CADPS: variants seen among roughly 807,000 people sequenced by gnomAD.
CADPS encodes calcium-dependent secretion activator 1.
In CADPS, 57 loss-of-function variants were observed where a neutral mutation model predicts 167.3. That is an observed-to-expected ratio of 0.34 (90% CI 0.28 to 0.42). The LOEUF (loss-of-function observed/expected upper bound fraction) is 0.42. Ranked by LOEUF, CADPS falls within the 20% of genes least tolerant of loss-of-function variation. CADPS has a pLI of 1.00. For missense variants in CADPS, 1,414 were observed against 1,738.1 expected, an observed-to-expected ratio of 0.81 and a Z score of 3.32; for synonymous variants, 676 against 635.3, an observed-to-expected ratio of 1.06 and a Z score of -0.96.
At chr3:62,431,665 A>T (rs1407417746) in intron 28 of CADPS, among the ~76,000 whole-genome samples, 1 of 152,026 alleles carries the variant, frequency 6.6e-6, no homozygotes. Flanking sequence ...CTGGTTCAAA[A>T]TAAATTTAAG....
rs2063485984 is a variant in CADPS, at chr3:62,623,434, TAC to T, written c.1325+22286_1325+22287del. ...CTCCTCCTGATTTAATTAGTACTGA[TAC>T]ACAATCCCTCCATTTCCTCTGATTG... On this transcript the variant is annotated intron_variant, in intron 6 of 29. Transcript: ENST00000383710. 2.0e-5 allele frequency among the ~76,000 whole-genome samples: 3 copies of T among 152,344 alleles called. No homozygotes were observed. The South Asian group carries it at 6.2e-4, about 32-fold the overall frequency.
intron 4 of CADPS, among the ~76,000 whole-genome samples, chr3:62,651,363 AG>A (rs2070097568): frequency 6.6e-6 from 1 of 152,232 alleles, no homozygotes; most frequent in Non-Finnish European, 1.5e-5. Flanking sequence ...AGTTTCCTTC[AG>A]CAAATTTGAT....
At chr3:62,840,149 C>A (rs1176203879) in intron 1 of CADPS, among the ~76,000 whole-genome samples, 3 of 152,168 alleles carry the variant, frequency 2.0e-5, no homozygotes, top group African/African-American at 7.2e-5. Context: ...CATTAGCTTA[C>A]AGTATGGGCC....
At chr3:62,748,830 C>T (rs1177289998) in intron 3 of CADPS, among the ~76,000 whole-genome samples, 1 of 152,142 alleles carries the variant, frequency 6.6e-6, no homozygotes, top group African/African-American at 2.4e-5. Flanking sequence ...ACCTCAGCCT[C>T]CTGAGTAGCT....
At chr3:62,500,557 G>A (rs2065585859) in intron 17 of CADPS, 1 of 152,192 alleles carries the variant, frequency 6.6e-6, no homozygotes, top group African/African-American at 2.4e-5. Context: ...AAACCTTGAA[G>A]TCTCAGAGTC....
chr3:62,527,462 T>G (rs1197590188), intron 13 of CADPS, among the ~76,000 whole-genome samples: 1 of 145,690 alleles, frequency 6.9e-6, no homozygotes, highest in Non-Finnish European at 1.5e-5. Flanking sequence ...GGGTGGGGGG[T>G]GGGGGAGTGG....
chr3:62,851,859 C>T (rs965211269), intron 1 of CADPS, among the ~76,000 whole-genome samples: 2 of 151,750 alleles, frequency 1.3e-5, no homozygotes, highest in African/African-American at 2.4e-5. Context: ...GGATAACATC[C>T]TGCAGAGTGT....
At chr3:62,675,183 G>A (rs1185550140) in intron 3 of CADPS, among the ~76,000 whole-genome samples, 1 of 151,874 alleles carries the variant, frequency 6.6e-6, no homozygotes, top group Non-Finnish European at 1.5e-5. Flanking sequence ...AGTGTGACAG[G>A]GAAAATAGAA....
intron 16 of CADPS, among the ~76,000 whole-genome samples, chr3:62,515,516 T>C (rs950763736): frequency 6.6e-6 from 1 of 152,020 alleles, no homozygotes; most frequent in Non-Finnish European, 1.5e-5. Flanking sequence ...CAAGAATGAA[T>C]GAGATCTAAA....
chr3:62,717,088 T>G (rs978634975), intron 3 of CADPS, among the ~76,000 whole-genome samples: 1 of 152,152 alleles, frequency 6.6e-6, no homozygotes, highest in Non-Finnish European at 1.5e-5. Flanking sequence ...ATTTTGTAAT[T>G]TTCCTCTATA....
intron 28 of CADPS, among the ~76,000 whole-genome samples, chr3:62,418,487 A>ATTTTTTTTTTT (rs5849477): frequency 3.6e-4 from 32 of 88,848 alleles, no homozygotes; most frequent in South Asian, 8.0e-4. Flanking sequence ...ACCATGCCCT[A>ATTTTTTTTTTT]TTTTTTTTTT....
At chr3:62,781,740 C>G (rs189284794) in intron 1 of CADPS, among the ~76,000 whole-genome samples, 137 of 152,144 alleles carry the variant, frequency 9.0e-4, no homozygotes, top group Non-Finnish European at 1.6e-3. Flanking sequence ...GTACTCAAAG[C>G]CAAGCAGACG....
chr3:62,649,541 G>GTTTTTTTTTTTTT lies in CADPS; in HGVS notation c.1203+1305_1203+1306insAAAAAAAAAAAAA, dbSNP rs1212818484. On this transcript the variant is annotated intron_variant, in intron 5 of 29. Transcript: ENST00000383710. The stretch of plus-strand genomic sequence containing the variant: ...TATCAAGGGAATCATACAATATGTG[G>GTTTTTTTTTTTTT]TCTTTTTTTTTTTTTTTTTTTTTTT... Among the ~76,000 whole-genome samples, 51 of 74,998 alleles carry GTTTTTTTTTTTTT rather than the reference G, an allele frequency of 6.8e-4. 1 individual carries two copies. The highest frequency in any genetic ancestry group is 1.7e-3 in the African/African-American group (36 of 20,746). The allele number at this position is 74,998 out of a possible 152,430, so 49.2% of individuals were successfully genotyped here.
In CADPS at chr3:62,627,130, T is replaced by TTGTGTG. The variant is rs10547515; in HGVS notation, c.1325+18586_1325+18591dup. ...TTCCATGTTACATTTTACTTTCCAG[T>TTGTGTG]TGTGTGTGTGTGTGTGTGTGTGTGT... On this transcript the variant is annotated intron_variant, in intron 6 of 29. Transcript: ENST00000383710. 3.2e-3 allele frequency among the ~76,000 whole-genome samples: 469 copies of TTGTGTG among 148,444 alleles called. 3 individuals are homozygous for TTGTGTG. The highest frequency in any genetic ancestry group is 0.011 in the African/African-American group (432 of 40,462).
At chr3:62,817,359 T>G (rs2094672641) in intron 1 of CADPS, among the ~76,000 whole-genome samples, 1 of 152,152 alleles carries the variant, frequency 6.6e-6, no homozygotes, top group Non-Finnish European at 1.5e-5. Context: ...GGGAAGGGTC[T>G]CTGCATGATT....
chr3:62,718,904 G>A (rs892349753), intron 3 of CADPS, among the ~76,000 whole-genome samples: 1 of 152,240 alleles, frequency 6.6e-6, no homozygotes, highest in Admixed American at 6.5e-5. Flanking sequence ...CTGGCTCCGG[G>A]CTTTGGGTTT....
rs3047307 is a variant in CADPS, at chr3:62,873,617, C to CTTTTTTT, written c.441+965_441+971dup. Among the ~76,000 whole-genome samples, 61 of 132,300 alleles carry CTTTTTTT rather than the reference C, an allele frequency of 4.6e-4. 3 individuals are homozygous for CTTTTTTT. The highest frequency in any genetic ancestry group is 1.2e-3 in the African/African-American group (40 of 34,756). The allele number at this position is 132,300 out of a possible 152,430, so 86.8% of individuals were successfully genotyped here. On this transcript the variant is annotated intron_variant, in intron 1 of 29. Coordinates refer to ENST00000383710, the MANE Select transcript of CADPS (RefSeq NM_003716.4). ...AAGAACAGCTGATAGAAATAGGCGC[C>CTTTTTTT]TTTTTTTTTTTTTTTTTAACATCAA...
chr3:62,429,784 G>A (rs554621978), intron 28 of CADPS, among the ~76,000 whole-genome samples: 1 of 152,146 alleles, frequency 6.6e-6, no homozygotes, highest in South Asian at 2.1e-4. Context: ...TGACCTTAAC[G>A]TAACAGAGCA....
At chr3:62,542,921 G>A (rs191399775) in intron 11 of CADPS, among the ~76,000 whole-genome samples, 6 of 152,138 alleles carry the variant, frequency 3.9e-5, no homozygotes, top group Admixed American at 1.3e-4. Context: ...CAGAGTACTC[G>A]ATGTTTTTGC....
Sources: allele counts gnomAD v4.1 joint callset (sites outside exome capture counted in the v4.1 genomes callset), GRCh38; gene constraint gnomAD v4.1.1; transcripts MANE v1.5; gene names NCBI Gene and HGNC (gene_info 2026-07-23, HGNC 2026-07-21).